Variants in SAMD4B observed in about 807,000 individuals in gnomAD.
The protein encoded by SAMD4B is protein Smaug homolog 2.
A neutral mutation model predicts 74.5 loss-of-function variants in SAMD4B; 5 were observed. That is an observed-to-expected ratio of 0.07 (90% CI 0.04 to 0.14). SAMD4B has a LOEUF of 0.14. Ranked by LOEUF, SAMD4B falls within the 10% of genes least tolerant of loss-of-function variation. The probability of loss-of-function intolerance (pLI) is 1.00; values close to 1 mark genes in which losing one functional copy is unlikely to be tolerated. For synonymous variants in SAMD4B, 373 were observed against 374.9 expected (o/e 1.00, Z 0.06); for missense variants, 608 against 921.8 (o/e 0.66, Z 4.41).
intron 3 of SAMD4B, among the ~76,000 whole-genome samples, chr19:39,366,785 A>T (rs1239245224): frequency 6.6e-6 from 1 of 152,084 alleles, no homozygotes; most frequent in Non-Finnish European, 1.5e-5. Context: ...TCAATCCTGA[A>T]GCATGCTAGA....
At chr19:39,355,061 C>T (rs1171789438) in intron 2 of SAMD4B, among the ~76,000 whole-genome samples, 7 of 151,976 alleles carry the variant, frequency 4.6e-5, no homozygotes, top group Admixed American at 2.6e-4. Flanking sequence ...TTAGTAGAGA[C>T]GGGATTTCGC....
In SAMD4B at chr19:39,383,563, G is replaced by GGGC. The variant is rs750581276; in HGVS notation, c.*42_*44dup. On this transcript the variant is annotated 3_prime_UTR_variant, in exon 14 of 14. Transcript: ENST00000610417. The surrounding 1 kb of genome is among the most constrained non-coding windows in gnomAD (Gnocchi z 4.1). Reference sequence around the variant, plus strand: ...AGCCCAGCGCACCCATAGGCTCCCTGGGCGGCGGGCGGGGGCCAACCCCCA... The same window carrying GGGC: ...AGCCCAGCGCACCCATAGGCTCCCTGGGCGGCGGCGGGCGGGGGCCAACCCCCA... 1.2e-6 allele frequency: 2 copies of GGGC among 1,614,114 alleles called. No individual in the cohort carries two copies. The highest frequency in any genetic ancestry group is 2.7e-5 in the African/African-American group (2 of 74,952).
At chr19:39,358,259 G>A (rs182541237) in intron 3 of SAMD4B, among the ~76,000 whole-genome samples, 3 of 152,318 alleles carry the variant, frequency 2.0e-5, no homozygotes, top group African/African-American at 4.8e-5. Flanking sequence ...CTATGAGAGC[G>A]AAACTCTATC....
chr19:39,352,492 A>G (rs1411084670), intron 1 of SAMD4B: 2 of 150,396 alleles, frequency 1.3e-5, no homozygotes, highest in Non-Finnish European at 3.0e-5. Context: ...TTTAGGGGAA[A>G]AAAAAAAAAA....
chr19:39,351,701 C>T (rs1393764954), intron 1 of SAMD4B: 1 of 152,110 alleles, frequency 6.6e-6, no homozygotes, highest in African/African-American at 2.4e-5. Flanking sequence ...TTGCTGTCAT[C>T]TGTTAGTTTC....
intron 3 of SAMD4B, among the ~76,000 whole-genome samples, chr19:39,365,750 G>A (rs150851921): frequency 1.4e-3 from 218 of 152,310 alleles, no homozygotes; most frequent in African/African-American, 5.0e-3. Flanking sequence ...CATAGTAAAT[G>A]CTCAATAAAC....
intron 1 of SAMD4B, among the ~76,000 whole-genome samples, chr19:39,347,368 A>C (rs1464182556): frequency 2.0e-5 from 3 of 152,200 alleles, no homozygotes; most frequent in Non-Finnish European, 4.4e-5. Context: ...TTAGAAACAT[A>C]TTTTGGGTTC....
At chr19:39,361,363 TC>T in intron 3 of SAMD4B, among the ~76,000 whole-genome samples, 1 of 152,222 alleles carries the variant, frequency 6.6e-6, no homozygotes, top group South Asian at 2.1e-4. Context: ...ACACCTGTAA[TC>T]CCAGCACTTT....
downstream of SAMD4B, chr19:39,386,057 C>A: frequency 6.2e-7 from 1 of 1,613,954 alleles, no homozygotes; most frequent in Non-Finnish European, 8.5e-7. This position sits in a 1 kb window ranked among gnomAD's most constrained non-coding sequence, Gnocchi z 6.1. Context: ...CCTCCTGGGC[C>A]GAGTGCTCGC....
intron 4 of SAMD4B, among the ~76,000 whole-genome samples, chr19:39,371,000 G>T (rs1306306569): frequency 2.6e-5 from 4 of 152,236 alleles, no homozygotes; most frequent in Admixed American, 2.6e-4. Context: ...AAGCAGGTTT[G>T]AAAGAGCTCT....
chr19:39,359,077 G>T (rs773722036), intron 3 of SAMD4B, among the ~76,000 whole-genome samples: 1 of 152,134 alleles, frequency 6.6e-6, no homozygotes, highest in Admixed American at 6.5e-5. Flanking sequence ...CAGCAGGCTC[G>T]GAGCTCAGCC....
chr19:39,390,390 A>T (rs1177382136), downstream of SAMD4B: 11 of 1,130,006 alleles, frequency 9.7e-6, no homozygotes, highest in Admixed American at 8.0e-5. Flanking sequence ...GGGGTGACAA[A>T]TGCTGGTTTC....
intron 3 of SAMD4B, among the ~76,000 whole-genome samples, chr19:39,363,768 C>G (rs890006706): frequency 3.3e-5 from 5 of 152,228 alleles, no homozygotes; most frequent in Admixed American, 3.3e-4. Flanking sequence ...AACTTGTGCT[C>G]TTACTTAGTA....
At chr19:39,344,762 A>T (rs2075588795) in intron 1 of SAMD4B, among the ~76,000 whole-genome samples, 1 of 151,944 alleles carries the variant, frequency 6.6e-6, no homozygotes. Context: ...TTCTTGAGAG[A>T]CACCTTTCCC....
chr19:39,359,697 C>A (rs1423800157), intron 3 of SAMD4B, among the ~76,000 whole-genome samples: 2 of 152,148 alleles, frequency 1.3e-5, no homozygotes. Context: ...TGCTGTGGGT[C>A]ACACAATTGA....
chr19:39,381,793 A>C (rs2078003506), intron 12 of SAMD4B, among the ~76,000 whole-genome samples: 1 of 152,178 alleles, frequency 6.6e-6, no homozygotes. Context: ...TTATCTGGGC[A>C]TGGTGGCACA....
intron 1 of SAMD4B, chr19:39,351,956 A>G (rs2076067561): frequency 1.3e-5 from 2 of 152,224 alleles, no homozygotes; most frequent in Non-Finnish European, 2.9e-5. Flanking sequence ...ATACAGTAAG[A>G]TGCTGCCACA....
At chr19:39,347,167 C>T in intron 1 of SAMD4B, among the ~76,000 whole-genome samples, 1 of 152,178 alleles carries the variant, frequency 6.6e-6, no homozygotes, top group South Asian at 2.1e-4. Flanking sequence ...GTCATCTCCT[C>T]CCATTTCTCC....
intron 12 of SAMD4B, 86 bp downstream of exon 12, chr19:39,381,199 C>A: frequency 6.9e-7 from 1 of 1,455,886 alleles, no homozygotes; most frequent in Admixed American, 2.1e-5. Context: ...GTCCACTGTT[C>A]TTCTAGACTG....
Sources: gnomAD v4.1 joint callset for allele counts (sites outside exome capture counted in the v4.1 genomes callset) on GRCh38, gnomAD v4.1.1 for gene constraint, Gnocchi (gnomAD v3.1) non-coding constraint, MANE v1.5 for transcripts, NCBI Gene and HGNC (gene_info 2026-07-23, HGNC 2026-07-21) for gene names.